The following ARHGEF9 variants were observed in gnomAD, a reference collection of about 807,000 sequenced individuals.
The protein encoded by ARHGEF9 is Cdc42 guanine nucleotide exchange factor 9.
Under a neutral mutation model 41.3 loss-of-function variants are expected in ARHGEF9, and 2 were observed. The observed-to-expected ratio is 0.05, with a 90% CI of 0.02 to 0.15. The LOEUF (loss-of-function observed/expected upper bound fraction) is 0.15, where lower values mean the gene tolerates loss of function less well. Among genes scored for constraint, ARHGEF9 ranks in the 10% least tolerant of loss-of-function variants. ARHGEF9 has a pLI of 1.00. For missense variants in ARHGEF9, 225 were observed against 424.7 expected, an observed-to-expected ratio of 0.53 and a Z score of 4.13; for synonymous variants, 160 against 154.4, an observed-to-expected ratio of 1.04 and a Z score of -0.27.
At chrX:63,749,450 C>T (rs193144227) in intron 1 of ARHGEF9, among the ~76,000 whole-genome samples, 11 of 111,715 alleles carry the variant, frequency 9.8e-5, no homozygotes, top group African/African-American at 2.3e-4. Context: ...AGGCTGGTCT[C>T]GAAATCCTGA....
At chrX:63,662,630 A>G (rs1347777526) in intron 7 of ARHGEF9, among the ~76,000 whole-genome samples, 9 of 111,738 alleles carry the variant, frequency 8.1e-5, no homozygotes, top group African/African-American at 2.9e-4. Flanking sequence ...CTCATTAGCT[A>G]TTTCACCTTG....
At chrX:63,694,552 A>G (rs1157800995) in intron 4 of ARHGEF9, among the ~76,000 whole-genome samples, 6 of 112,670 alleles carry the variant, frequency 5.3e-5, no homozygotes, top group Non-Finnish European at 9.4e-5. Flanking sequence ...ATGCAACAGC[A>G]TGGATGGATA....
At chrX:63,759,715 T>A (rs782487833) in intron 1 of ARHGEF9, among the ~76,000 whole-genome samples, 1 of 112,273 alleles carries the variant, frequency 8.9e-6, no homozygotes, top group Admixed American at 9.4e-5. Context: ...TCAGGCACTG[T>A]TTGAAGCCCT....
chrX:63,652,056 A>T (rs1353020614), intron 8 of ARHGEF9, among the ~76,000 whole-genome samples: 2 of 111,853 alleles, frequency 1.8e-5, no homozygotes, highest in Non-Finnish European at 3.8e-5. Context: ...AATCTTTCAG[A>T]ATTTAATATG....
intron 1 of ARHGEF9, among the ~76,000 whole-genome samples, chrX:63,766,227 T>C (rs781976165): frequency 8.9e-6 from 1 of 112,277 alleles, no homozygotes; most frequent in South Asian, 3.7e-4. Flanking sequence ...ACATAACAGA[T>C]GCTCAATAGT....
intron 2 of ARHGEF9, among the ~76,000 whole-genome samples, chrX:63,707,726 G>A: frequency 9.0e-6 from 1 of 111,709 alleles, no homozygotes; most frequent in Non-Finnish European, 1.9e-5. Flanking sequence ...CATCAGAAAA[G>A]CCTTTTAGTG....
At position 63,713,876 on chromosome X, in the gene ARHGEF9, C is replaced by T. The variant is rs541131333; in HGVS notation, c.211-7427G>A. On this transcript the variant is annotated intron_variant, in intron 2 of 9. Transcript: ENST00000671741. ...TATGTACAGTCAGACACAGAAACTA[C>T]TCCTCTACCCCTCAAGGGAAGATTT... 2.0e-4 allele frequency among the ~76,000 whole-genome samples: 22 copies of T among 111,287 alleles called. No homozygotes were observed. The South Asian group carries it at 8.0e-3, about 41-fold the overall frequency.
intron 9 of ARHGEF9, among the ~76,000 whole-genome samples, chrX:63,643,624 C>A (rs1400979972): frequency 9.1e-6 from 1 of 109,955 alleles, no homozygotes; most frequent in Non-Finnish European, 1.9e-5. Context: ...GGATTACAGG[C>A]GTGAGCCATC....
intron 9 of ARHGEF9, chrX:63,641,306 C>G (rs1556305730): frequency 9.8e-6 from 1 of 102,263 alleles, no homozygotes; most frequent in Non-Finnish European, 2.0e-5. Flanking sequence ...GAGCTAAGAT[C>G]ACACCATTGC....
rs782057820 is a variant in ARHGEF9, at chrX:63,718,670, C to A, written c.210+5862G>T. 1.4e-4 allele frequency among the ~76,000 whole-genome samples: 16 copies of A among 112,018 alleles called. 1 individual carries two copies. In the South Asian group the frequency reaches 6.0e-3, roughly 42 times the overall value. The stretch of plus-strand genomic sequence containing the variant: ...CCTACTGGTGTCAACTCTTAAATAC[C>A]ATCTTCCTATTGAAAAAAGCAACAT... On this transcript the variant is annotated intron_variant, in intron 2 of 9. Coordinates refer to ENST00000671741, the MANE Select transcript of ARHGEF9 (RefSeq NM_001353921.2).
intron 9 of ARHGEF9, chrX:63,639,427 A>T (rs1326272679): frequency 8.9e-6 from 1 of 112,014 alleles, no homozygotes; most frequent in African/African-American, 3.2e-5. Flanking sequence ...TTTAAGAAAT[A>T]ATAGAGATCC....
intron 6 of ARHGEF9, among the ~76,000 whole-genome samples, chrX:63,669,335 C>T (rs1283300939): frequency 4.5e-5 from 5 of 111,974 alleles, no homozygotes; most frequent in African/African-American, 1.6e-4. Context: ...TATGTTTGTC[C>T]GCACTAGATG....
At chrX:63,714,369 C>T (rs1331050217) in intron 2 of ARHGEF9, among the ~76,000 whole-genome samples, 3 of 112,575 alleles carry the variant, frequency 2.7e-5, no homozygotes, top group Non-Finnish European at 5.6e-5. Context: ...TTCAAAACAG[C>T]CCTGCAAGGC....
At chrX:63,698,453 AAC>A (rs1427816948) in intron 3 of ARHGEF9, among the ~76,000 whole-genome samples, 3 of 111,431 alleles carry the variant, frequency 2.7e-5, no homozygotes, top group African/African-American at 9.8e-5. Context: ...AGAAATCAGT[AAC>A]ACATAAAAAT....
At chrX:63,714,556 C>A (rs1454826790) in intron 2 of ARHGEF9, among the ~76,000 whole-genome samples, 2 of 111,803 alleles carry the variant, frequency 1.8e-5, no homozygotes, top group South Asian at 7.6e-4. Context: ...GATTTCAAAT[C>A]CTGGCTCTAC....
At chrX:63,783,876 G>A (rs1417313297) in intron 1 of ARHGEF9, among the ~76,000 whole-genome samples, 1 of 111,529 alleles carries the variant, frequency 9.0e-6, no homozygotes, top group African/African-American at 3.3e-5. Context: ...AGGGAAGTAG[G>A]GAGGTCTGGG....
In ARHGEF9 at chrX:63,635,630, G is replaced by T. The variant is rs1272727370; in HGVS notation, c.*2398C>A. The T allele has an allele frequency of 5.5e-6, 2 of 366,751 alleles. No homozygotes were observed. The highest frequency in any genetic ancestry group is 9.2e-5 in the South Asian group (2 of 21,756). The allele number at this position is 366,751 out of a possible 1,213,427, so 30.2% of individuals were successfully genotyped here. ...TTAGTGGCATCAGGTGATGCCAGTGGGTTCAGTAGAGGAGAAGTGCGGGTT... is the reference window on the plus strand; with the variant it reads ...TTAGTGGCATCAGGTGATGCCAGTGTGTTCAGTAGAGGAGAAGTGCGGGTT... On this transcript the variant is annotated 3_prime_UTR_variant, in exon 10 of 10. Transcript: ENST00000671741.
intron 8 of ARHGEF9, among the ~76,000 whole-genome samples, chrX:63,649,428 A>T (rs1171879670): frequency 1.8e-5 from 2 of 110,919 alleles, no homozygotes; most frequent in Non-Finnish European, 3.8e-5. Flanking sequence ...TCTCTGGGAC[A>T]CATTCAAAGC....
intron 8 of ARHGEF9, among the ~76,000 whole-genome samples, chrX:63,645,157 T>C (rs182413237): frequency 1.1e-4 from 12 of 111,068 alleles, no homozygotes; most frequent in African/African-American, 3.9e-4. Flanking sequence ...AAAAAGGAAA[T>C]TTTATATTAA....
Sources: allele counts gnomAD v4.1 joint callset (sites outside exome capture counted in the v4.1 genomes callset), GRCh38; gene constraint gnomAD v4.1.1; transcripts MANE v1.5; gene names NCBI Gene and HGNC (gene_info 2026-07-23, HGNC 2026-07-21).